The following CAMK1D variants were observed in gnomAD, a reference collection of about 807,000 sequenced individuals.
CAMK1D encodes the protein calcium/calmodulin-dependent protein kinase type 1D.
Under a neutral mutation model 47.7 loss-of-function variants are expected in CAMK1D, and 9 were observed. The ratio of observed to expected loss-of-function variants is 0.19; its 90% CI spans 0.11 to 0.33. CAMK1D has a LOEUF of 0.33. Ranked by LOEUF, CAMK1D falls within the 10% of genes least tolerant of loss-of-function variation. The pLI, the probability that CAMK1D is intolerant of heterozygous loss-of-function variation, is 1.00. For missense variants in CAMK1D, 291 were observed against 488.7 expected, an observed-to-expected ratio of 0.60 and a Z score of 3.81; for synonymous variants, 184 against 184.9, an observed-to-expected ratio of 0.99 and a Z score of 0.04.
intron 8 of CAMK1D, among the ~76,000 whole-genome samples, chr10:12,817,430 C>G (rs967279479): frequency 2.6e-5 from 4 of 152,106 alleles, no homozygotes; most frequent in African/African-American, 9.7e-5. Flanking sequence ...GAGTTGATGG[C>G]ATTCTACACA....
chr10:12,353,450 C>G (rs1340203953), intron 1 of CAMK1D, among the ~76,000 whole-genome samples: 1 of 152,172 alleles, frequency 6.6e-6, no homozygotes, highest in Non-Finnish European at 1.5e-5. Flanking sequence ...GGTATCTCAC[C>G]TCATGGAGCC....
At chr10:12,690,216 A>T (rs1006674262) in intron 3 of CAMK1D, among the ~76,000 whole-genome samples, 1 of 152,194 alleles carries the variant, frequency 6.6e-6, no homozygotes, top group African/African-American at 2.4e-5. Flanking sequence ...GCCACCATTT[A>T]TGGAGTACTT....
chr10:12,379,463 T>A (rs1435585091), intron 1 of CAMK1D, among the ~76,000 whole-genome samples: 1 of 152,084 alleles, frequency 6.6e-6, no homozygotes, highest in Admixed American at 6.6e-5. Flanking sequence ...TAAAATCCCT[T>A]AATTTGGGGC....
At chr10:12,524,610 G>A (rs956617727) in intron 1 of CAMK1D, among the ~76,000 whole-genome samples, 9 of 152,040 alleles carry the variant, frequency 5.9e-5, no homozygotes, top group South Asian at 2.1e-4. Flanking sequence ...AGGAGGCTGA[G>A]GCAGGAGAAT....
chr10:12,432,901 A>G (rs917730440), intron 1 of CAMK1D, among the ~76,000 whole-genome samples: 7 of 151,946 alleles, frequency 4.6e-5, no homozygotes, highest in African/African-American at 1.7e-4. Context: ...GAGCTGCTGC[A>G]CAGCACAGGA....
At chr10:12,441,954 G>A (rs917132247) in intron 1 of CAMK1D, among the ~76,000 whole-genome samples, 1 of 152,150 alleles carries the variant, frequency 6.6e-6, no homozygotes, top group Non-Finnish European at 1.5e-5. Flanking sequence ...AAATCTCTAG[G>A]ACACAGAATG....
At chr10:12,487,097 T>G (rs1834241779) in intron 1 of CAMK1D, among the ~76,000 whole-genome samples, 1 of 152,192 alleles carries the variant, frequency 6.6e-6, no homozygotes, top group Non-Finnish European at 1.5e-5. Context: ...GGGTTTGTTG[T>G]ACAGATTATT....
At chr10:12,387,938 T>C (rs1185182021) in intron 1 of CAMK1D, among the ~76,000 whole-genome samples, 2 of 152,200 alleles carry the variant, frequency 1.3e-5, no homozygotes, top group Admixed American at 1.3e-4. Context: ...CAATGCTTAG[T>C]TGCTGTCATG....
intron 2 of CAMK1D, among the ~76,000 whole-genome samples, chr10:12,663,050 C>G (rs1840322671): frequency 1.3e-5 from 2 of 152,222 alleles, no homozygotes; most frequent in African/African-American, 4.8e-5. Flanking sequence ...CAACCTCTGC[C>G]TCGCAGGTTC....
intron 1 of CAMK1D, among the ~76,000 whole-genome samples, chr10:12,373,302 G>A (rs1264721346): frequency 1.4e-5 from 2 of 146,184 alleles, no homozygotes; most frequent in Non-Finnish European, 3.0e-5. Context: ...GACAGAGGGA[G>A]AGCCTGTCTC....
chr10:12,803,190 C>T (rs1838560433), intron 6 of CAMK1D, among the ~76,000 whole-genome samples: 1 of 152,222 alleles, frequency 6.6e-6, no homozygotes, highest in African/African-American at 2.4e-5. Flanking sequence ...GTGACAGCTC[C>T]GTACATGGTA....
At chr10:12,814,133 A>T in intron 6 of CAMK1D, 62 bp from the exon 7 acceptor site, 1 of 1,079,496 alleles carries the variant, frequency 9.3e-7, no homozygotes, top group Admixed American at 1.8e-5. Context: ...TTCCAGGCAA[A>T]GTGTACAGTC....
At chr10:12,540,640 G>A (rs1181701016) in intron 1 of CAMK1D, among the ~76,000 whole-genome samples, 2 of 152,182 alleles carry the variant, frequency 1.3e-5, no homozygotes, top group Non-Finnish European at 2.9e-5. Context: ...TTCAGACATA[G>A]GATTGTACTC....
chr10:12,738,831 C>T (rs1554819138), intron 3 of CAMK1D, among the ~76,000 whole-genome samples: 2 of 151,826 alleles, frequency 1.3e-5, no homozygotes, highest in African/African-American at 2.4e-5. Context: ...GACTCTGTCT[C>T]TAAATAAATA....
intron 3 of CAMK1D, among the ~76,000 whole-genome samples, chr10:12,674,978 C>T (rs925832043): frequency 2.1e-5 from 3 of 145,902 alleles, no homozygotes; most frequent in African/African-American, 7.7e-5. Context: ...TTGCAGTAAG[C>T]TGAGATCACA....
At chr10:12,727,697 A>C (rs546794133) in intron 3 of CAMK1D, among the ~76,000 whole-genome samples, 1 of 152,034 alleles carries the variant, frequency 6.6e-6, no homozygotes, top group African/African-American at 2.4e-5. Flanking sequence ...GCGTATCACA[A>C]TATATCATAG....
chr10:12,504,108 G>A (rs192128746), intron 1 of CAMK1D, among the ~76,000 whole-genome samples: 17,944 of 147,812 alleles, frequency 0.12, 1,288 homozygotes, highest in Non-Finnish European at 0.16. Context: ...CAATAAGATG[G>A]GTGTGTGTGT....
intron 2 of CAMK1D, among the ~76,000 whole-genome samples, chr10:12,596,471 C>T (rs117287951): frequency 0.019 from 2,846 of 152,210 alleles, 40 homozygotes; most frequent in South Asian, 0.051. Context: ...TTACATTGGG[C>T]TTCATTTGGC....
chr10:12,524,201 G>A (rs1031646588), intron 1 of CAMK1D, among the ~76,000 whole-genome samples: 6 of 151,716 alleles, frequency 4.0e-5, no homozygotes, highest in Non-Finnish European at 5.9e-5. Context: ...TCCTGAGATC[G>A]TAATCCGCCC....
Sources: allele counts gnomAD v4.1 joint callset (sites outside exome capture counted in the v4.1 genomes callset), GRCh38; gene constraint gnomAD v4.1.1; transcripts MANE v1.5; gene names NCBI Gene and HGNC (gene_info 2026-07-23, HGNC 2026-07-21).